The following WDFY3 variants were observed in gnomAD, a reference collection of about 807,000 sequenced individuals.
WDFY3 encodes WD repeat and FYVE domain containing 3, also known as WD repeat and FYVE domain-containing protein 3.
WDFY3 carries 66 observed loss-of-function variants against 409.6 expected under a neutral mutation model. The observed-to-expected ratio is 0.16, with a 90% CI of 0.13 to 0.20. The LOEUF (loss-of-function observed/expected upper bound fraction) is 0.20. WDFY3 is among the 10% of genes least tolerant of loss of function. The probability of loss-of-function intolerance (pLI) is 1.00; values close to 1 mark genes in which losing one functional copy is unlikely to be tolerated. For missense variants in WDFY3, 3,031 were observed against 4,298.1 expected (o/e 0.71, Z 8.24); for synonymous variants, 1,521 against 1,537.1 (o/e 0.99, Z 0.25).
intron 25 of WDFY3, among the ~76,000 whole-genome samples, chr4:84,781,189 T>C (rs1233668120): frequency 6.6e-6 from 1 of 151,678 alleles, no homozygotes; most frequent in Non-Finnish European, 1.5e-5. Flanking sequence ...GAGCATAAGT[T>C]TATAGAAACA....
intron 46 of WDFY3, among the ~76,000 whole-genome samples, chr4:84,724,047 ATATT>A (rs1245106090): frequency 2.0e-5 from 3 of 152,238 alleles, no homozygotes; most frequent in Non-Finnish European, 2.9e-5. Flanking sequence ...AATTTCATAA[ATATT>A]TATTTAGTTA....
chr4:84,901,513 A>G (rs761886622), intron 2 of WDFY3, among the ~76,000 whole-genome samples: 1 of 152,204 alleles, frequency 6.6e-6, no homozygotes, highest in Non-Finnish European at 1.5e-5. Context: ...AGTCTCCATA[A>G]GCATAAGAAA....
intron 37 of WDFY3, 60 bp from the exon 38 acceptor site, chr4:84,741,981 T>C: frequency 1.4e-6 from 2 of 1,437,754 alleles, no homozygotes; most frequent in Non-Finnish European, 1.9e-6. Flanking sequence ...CAGGACCAGA[T>C]CCTCAAAAAA....
In WDFY3 at chr4:84,772,871, C is replaced by T. The variant is rs372983435; in HGVS notation, c.4813G>A (p.Val1605Ile). 2 of 1,611,164 alleles carry T rather than the reference C, an allele frequency of 1.2e-6. No homozygotes were observed. The highest frequency in any genetic ancestry group is 1.3e-5 in the African/African-American group (1 of 74,766). ...PTFAVCEKFV[V>I]MEINNEEKLD... ...TTCTCTTCATTATTTATTTCCATTA[C>T]TACAAATTTCTCACAAACCGCAAAG... The change falls in exon 30 of 68, where the codon GTA becomes ATA. Residue 1605 changes from valine (V) to isoleucine (I), a missense_variant. Physicochemically the swap from Val to Ile is conservative, Grantham distance 29. This residue lies in a region of WDFY3 where 342 missense variants were observed against 463.7 expected (regional missense o/e 0.74). Coordinates refer to ENST00000295888, the MANE Select transcript of WDFY3 (RefSeq NM_014991.6).
At chr4:84,915,450 T>G (rs939387131) in intron 2 of WDFY3, among the ~76,000 whole-genome samples, 1 of 152,128 alleles carries the variant, frequency 6.6e-6, no homozygotes, top group Non-Finnish European at 1.5e-5. Context: ...TAAACTAATA[T>G]AGTACTAGCT....
chr4:84,929,958 C>T (rs925101580), intron 2 of WDFY3, among the ~76,000 whole-genome samples: 4 of 151,508 alleles, frequency 2.6e-5, no homozygotes, highest in African/African-American at 7.3e-5. Context: ...GAAGGAAGAC[C>T]GTGCAAAGAG....
At chr4:84,798,162 A>G in intron 17 of WDFY3, 54 bp from the exon 18 acceptor site, 1 of 1,394,472 alleles carries the variant, frequency 7.2e-7, no homozygotes. Flanking sequence ...TATATAATTC[A>G]TTAACCAAAT....
chr4:84,938,553 T>C (rs1771722290), intron 1 of WDFY3, among the ~76,000 whole-genome samples: 2 of 152,046 alleles, frequency 1.3e-5, no homozygotes, highest in Non-Finnish European at 2.9e-5. Context: ...CACAGGAAAA[T>C]ATTACAAAAA....
At chr4:84,758,823 T>C (rs1386289496) in intron 32 of WDFY3, among the ~76,000 whole-genome samples, 2 of 152,200 alleles carry the variant, frequency 1.3e-5, no homozygotes, top group African/African-American at 2.4e-5. Flanking sequence ...TTTTACAACA[T>C]AGAAAACATG....
chr4:84,800,132 T>C (rs963608620), intron 17 of WDFY3, among the ~76,000 whole-genome samples: 2 of 152,340 alleles, frequency 1.3e-5, no homozygotes, highest in Admixed American at 6.5e-5. Context: ...TCACTCATCT[T>C]GGCATTATAA....
At chr4:84,770,059 C>T (rs1021085964) in intron 30 of WDFY3, among the ~76,000 whole-genome samples, 6 of 151,228 alleles carry the variant, frequency 4.0e-5, no homozygotes, top group Non-Finnish European at 8.8e-5. Flanking sequence ...GACGGAGTCT[C>T]ACTCTGTCAC....
chr4:84,940,741 A>T (rs889289079), intron 1 of WDFY3, among the ~76,000 whole-genome samples: 1 of 152,086 alleles, frequency 6.6e-6, no homozygotes, highest in Non-Finnish European at 1.5e-5. Context: ...TAGAAATTTC[A>T]TATTTTTTGT....
At chr4:84,743,966 G>A (rs1358422387) in intron 36 of WDFY3, among the ~76,000 whole-genome samples, 167 bp from the exon 37 acceptor site, 2 of 150,976 alleles carry the variant, frequency 1.3e-5, no homozygotes, top group Admixed American at 6.6e-5. Context: ...GGTCTTTCAC[G>A]TATTTTCTGA....
chr4:84,900,340 C>T (rs1766187169), intron 2 of WDFY3, among the ~76,000 whole-genome samples: 1 of 152,130 alleles, frequency 6.6e-6, no homozygotes, highest in Non-Finnish European at 1.5e-5. Context: ...ATCCTCTTGC[C>T]TTAGCCTCCC....
At chr4:84,791,993 C>G (rs1458036585) in intron 21 of WDFY3, among the ~76,000 whole-genome samples, 1 of 152,036 alleles carries the variant, frequency 6.6e-6, no homozygotes, top group Admixed American at 6.6e-5. Context: ...ATTTTAAATA[C>G]TCATTTTAAA....
chr4:84,885,429 TAA>T (rs1384443356), intron 3 of WDFY3, among the ~76,000 whole-genome samples: 1 of 150,568 alleles, frequency 6.6e-6, no homozygotes, highest in Non-Finnish European at 1.5e-5. Context: ...TATATAAAAA[TAA>T]AATGATGAAT....
chr4:84,870,260 T>G (rs1007748436), intron 3 of WDFY3, among the ~76,000 whole-genome samples: 1 of 152,198 alleles, frequency 6.6e-6, no homozygotes, highest in Non-Finnish European at 1.5e-5. Context: ...AATCATCTCC[T>G]GTTCTTACAC....
chr4:84,732,624 T>C (rs1304343081), intron 44 of WDFY3, among the ~76,000 whole-genome samples: 2 of 152,206 alleles, frequency 1.3e-5, no homozygotes, highest in Non-Finnish European at 2.9e-5. Context: ...ATGGATCATG[T>C]AGTATTTGTC....
chr4:84,696,287 T>C, intron 57 of WDFY3, 105 bp from the exon 58 acceptor site: 2 of 1,060,022 alleles, frequency 1.9e-6, no homozygotes, highest in South Asian at 1.5e-5. Flanking sequence ...TAACTAAAAA[T>C]CATAAAAACA....
Sources: allele counts gnomAD v4.1 joint callset (sites outside exome capture counted in the v4.1 genomes callset), GRCh38; gene constraint gnomAD v4.1.1; regional missense constraint gnomAD v4.1.1; transcripts MANE v1.5; gene names NCBI Gene and HGNC (gene_info 2026-07-23, HGNC 2026-07-21).